Variants in CACNA1C observed in about 807,000 individuals in gnomAD.
CACNA1C encodes voltage-dependent L-type calcium channel subunit alpha-1C.
In CACNA1C, 30 loss-of-function variants were observed where a neutral mutation model predicts 229.0. The observed-to-expected ratio is 0.13, with a 90% CI of 0.10 to 0.18. CACNA1C has a LOEUF of 0.18. Ranked by LOEUF, CACNA1C falls within the 10% of genes least tolerant of loss-of-function variation. CACNA1C has a pLI of 1.00. For synonymous variants in CACNA1C, 1,114 were observed against 1,132.5 expected, an observed-to-expected ratio of 0.98 and a Z score of 0.33; for missense variants, 1,658 against 2,845.0, an observed-to-expected ratio of 0.58 and a Z score of 9.49.
intron 1 of CACNA1C, among the ~76,000 whole-genome samples, chr12:2,086,578 C>G (rs1024862425): frequency 6.6e-6 from 1 of 152,170 alleles, no homozygotes; most frequent in Non-Finnish European, 1.5e-5. Context: ...TGATGCAATA[C>G]GAGTTTAATT....
chr12:2,598,943 G>A (rs998871034), intron 21 of CACNA1C, among the ~76,000 whole-genome samples: 2 of 152,150 alleles, frequency 1.3e-5, no homozygotes, highest in Admixed American at 6.5e-5. Flanking sequence ...CGAAAGTTGC[G>A]TGGCTGCACT....
chr12:2,493,108 AC>A lies in CACNA1C; in HGVS notation c.917-81del. 8.2e-7 allele frequency: 1 copy of A among 1,224,236 alleles called. No individual in the cohort carries two copies. The highest frequency in any genetic ancestry group is 1.2e-6 in the Non-Finnish European group (1 of 840,232). 75.8% of individuals were successfully genotyped at this position (1,224,236 alleles called of 1,614,324 possible). A position where few individuals can be genotyped will look rare whatever the true frequency, so the allele number is the denominator to read the frequency against. ...CCCATCCCATCAACCTCATCCTGTC[AC>A]TTTTCTCTCTGACTTCTTTCTCTGC... On this transcript the variant is annotated intron_variant, in intron 6 of 46. Coordinates refer to ENST00000399655, the MANE Select transcript of CACNA1C (RefSeq NM_000719.7). This position sits in a 1 kb window ranked among gnomAD's most constrained non-coding sequence, Gnocchi z 4.6.
chr12:2,556,438 C>T (rs2044315015), intron 10 of CACNA1C, among the ~76,000 whole-genome samples: 1 of 152,204 alleles, frequency 6.6e-6, no homozygotes, highest in Non-Finnish European at 1.5e-5. Context: ...CCTTAGGCCT[C>T]CTCTGCAGCT....
chr12:2,107,105 C>G (rs1291574053), intron 1 of CACNA1C, among the ~76,000 whole-genome samples: 7 of 129,480 alleles, frequency 5.4e-5, no homozygotes, highest in South Asian at 2.5e-4. Context: ...GCTGGGGTGT[C>G]CTGAAGCCAC....
intron 10 of CACNA1C, among the ~76,000 whole-genome samples, chr12:2,550,307 A>G (rs1423351021): frequency 6.6e-6 from 1 of 152,130 alleles, no homozygotes; most frequent in Non-Finnish European, 1.5e-5. Context: ...GCCTCTTTTC[A>G]TCACATCTGA....
intron 9 of CACNA1C, among the ~76,000 whole-genome samples, chr12:2,523,036 CA>C (rs372157465): frequency 1.3e-3 from 197 of 151,948 alleles, no homozygotes; most frequent in Middle Eastern, 0.01. Flanking sequence ...TCCAGTCCCC[CA>C]GCCGGAACAG....
At chr12:2,305,818 G>A (rs2154478804) in intron 3 of CACNA1C, among the ~76,000 whole-genome samples, 1 of 152,302 alleles carries the variant, frequency 6.6e-6, no homozygotes, top group South Asian at 2.1e-4. Context: ...ATGCCACCCT[G>A]GGTGACATAG....
chr12:2,686,114 G>A, intron 44 of CACNA1C, 52 bp from the exon 45 acceptor site: 3 of 1,408,528 alleles, frequency 2.1e-6, no homozygotes, highest in Middle Eastern at 1.8e-4. Context: ...ACTGTCACAG[G>A]CCAGTGCCCT....
intron 3 of CACNA1C, among the ~76,000 whole-genome samples, chr12:2,309,046 G>A (rs2095269509): frequency 6.6e-6 from 1 of 152,192 alleles, no homozygotes; most frequent in Non-Finnish European, 1.5e-5. Flanking sequence ...GCACCCCCAT[G>A]TTCATTGCAG....
chr12:1,974,614 A>C (rs1254500488), intron 1 of CACNA1C, among the ~76,000 whole-genome samples: 1 of 152,160 alleles, frequency 6.6e-6, no homozygotes, highest in East Asian at 1.9e-4. Context: ...TTCATTATGG[A>C]AAAACAAAGG....
At chr12:2,102,582 ATTT>A (rs1217740775) in intron 1 of CACNA1C, among the ~76,000 whole-genome samples, 4 of 151,954 alleles carry the variant, frequency 2.6e-5, no homozygotes, top group Non-Finnish European at 4.4e-5. Flanking sequence ...CAGGCAGATT[ATTT>A]TTTATTTTTT....
At chr12:2,239,612 C>T (rs924820453) in intron 3 of CACNA1C, among the ~76,000 whole-genome samples, 4 of 152,164 alleles carry the variant, frequency 2.6e-5, no homozygotes, top group Non-Finnish European at 2.9e-5. Flanking sequence ...TTGTGACTGT[C>T]CCTCTTCCCT....
intron 3 of CACNA1C, among the ~76,000 whole-genome samples, chr12:2,325,213 C>T (rs2096237356): frequency 6.6e-6 from 1 of 152,200 alleles, no homozygotes; most frequent in South Asian, 2.1e-4. Flanking sequence ...TACAGCCCCT[C>T]CTGGGCAACC....
chr12:2,593,219 A>C lies in CACNA1C; in HGVS notation c.2537A>C (p.Glu846Ala). 1 of 1,613,646 alleles carries C rather than the reference A, an allele frequency of 6.2e-7. No homozygotes were observed. The highest frequency in any genetic ancestry group is 2.2e-5 in the East Asian group (1 of 44,878). ...GGTGCTGTTCTTCTTACAGGAGAAG[A>C]GGATGAGGAGGAGCCAGAGATGCCT... ...PYPNPETTGE[E>A]DEEEPEMPVG... Residue 846 changes from glutamate to alanine, a missense_variant, in exon 19 of 47, where the codon GAG becomes GCG. Physicochemically the swap from Glu to Ala is moderately radical, Grantham distance 107. Coordinates refer to ENST00000399655, the MANE Select transcript of CACNA1C (RefSeq NM_000719.7).
Position 2,648,615 on chromosome 12 carries a change from A to G in CACNA1C, c.3945+108A>G, listed in dbSNP as rs1463592208. 5.4e-6 allele frequency: 5 copies of G among 929,902 alleles called. No individual in the cohort carries two copies. The African/African-American group carries it at 8.2e-5, about 15-fold the overall frequency. The allele number at this position is 929,902 out of a possible 1,614,324, so 57.6% of individuals were successfully genotyped here. A position where few individuals can be genotyped will look rare whatever the true frequency, so the allele number is the denominator to read the frequency against. On this transcript the variant is annotated intron_variant, in intron 31 of 46. Coordinates refer to ENST00000399655, the MANE Select transcript of CACNA1C (RefSeq NM_000719.7). ...TCCCTGGGAGCCCTGCCTGGCTCTCACTGCATGTGGCCACTGTGTCTGCCG... is the reference window on the plus strand; with the variant it reads ...TCCCTGGGAGCCCTGCCTGGCTCTCGCTGCATGTGGCCACTGTGTCTGCCG...
At chr12:2,136,572 C>T (rs948869213) in intron 3 of CACNA1C, among the ~76,000 whole-genome samples, 3 of 151,224 alleles carry the variant, frequency 2.0e-5, no homozygotes, top group Admixed American at 6.6e-5. Context: ...GCAGTGTGTG[C>T]GCTTCTGTCT....
intron 8 of CACNA1C, among the ~76,000 whole-genome samples, chr12:2,510,112 G>A (rs1170049624): frequency 6.6e-6 from 1 of 152,142 alleles, no homozygotes; most frequent in Non-Finnish European, 1.5e-5. Flanking sequence ...CATTGCTGGC[G>A]AGAGATGCAG....
chr12:2,446,352 G>T (rs1284666796), intron 3 of CACNA1C, among the ~76,000 whole-genome samples: 2 of 145,518 alleles, frequency 1.4e-5, no homozygotes, highest in African/African-American at 2.5e-5. Context: ...ATATATGTAT[G>T]TATGTGTGTG....
intron 3 of CACNA1C, among the ~76,000 whole-genome samples, chr12:2,343,016 G>GA (rs1292323699): frequency 2.0e-5 from 3 of 152,170 alleles, no homozygotes; most frequent in African/African-American, 7.2e-5. Context: ...GATTAAAAGA[G>GA]AAAAAACAAA....
Sources: allele counts gnomAD v4.1 joint callset (sites outside exome capture counted in the v4.1 genomes callset), GRCh38; gene constraint gnomAD v4.1.1; non-coding constraint Gnocchi (gnomAD v3.1); transcripts MANE v1.5; gene names NCBI Gene and HGNC (gene_info 2026-07-23, HGNC 2026-07-21).